The following KCNN3 variants were observed in gnomAD, a reference collection of about 807,000 sequenced individuals.
KCNN3 encodes the protein potassium calcium-activated channel subfamily N member 3, also known as small conductance calcium-activated potassium channel protein 3.
A neutral mutation model predicts 62.9 loss-of-function variants in KCNN3; 16 were observed. That is an observed-to-expected ratio of 0.25 (90% CI 0.17 to 0.39). The LOEUF is 0.39. Among genes scored for constraint, KCNN3 ranks in the 10% least tolerant of loss-of-function variants. KCNN3 has a pLI of 1.00. For missense variants in KCNN3, 599 were observed against 949.4 expected, an observed-to-expected ratio of 0.63 and a Z score of 4.85; for synonymous variants, 370 against 389.2, an observed-to-expected ratio of 0.95 and a Z score of 0.58.
intron 2 of KCNN3, among the ~76,000 whole-genome samples, chr1:154,783,544 G>C (rs1649148761): frequency 1.3e-5 from 2 of 152,312 alleles, no homozygotes; most frequent in Middle Eastern, 3.4e-3. Context: ...TAGTTTAGGA[G>C]CCCACTTATG....
chr1:154,769,946 A>C (rs965835053), intron 3 of KCNN3, among the ~76,000 whole-genome samples: 1 of 152,238 alleles, frequency 6.6e-6, no homozygotes, highest in African/African-American at 2.4e-5. Context: ...GACTCTAACA[A>C]TAAATCCTGT....
intron 3 of KCNN3, among the ~76,000 whole-genome samples, chr1:154,743,768 G>A (rs1331975293): frequency 3.3e-5 from 5 of 152,138 alleles, no homozygotes; most frequent in South Asian, 2.1e-4. Context: ...TTTGCTCAGC[G>A]GCAGGCTGAC....
chr1:154,782,270 C>G (rs1387393899), intron 2 of KCNN3, among the ~76,000 whole-genome samples: 1 of 152,230 alleles, frequency 6.6e-6, no homozygotes, highest in Non-Finnish European at 1.5e-5. Flanking sequence ...TGAAAACACA[C>G]TGCCCACAGG....
intron 7 of KCNN3, among the ~76,000 whole-genome samples, chr1:154,711,505 T>TAA (rs200946213): frequency 1.4e-4 from 19 of 133,288 alleles, no homozygotes; most frequent in Admixed American, 6.7e-4. Context: ...ATAATAAAAC[T>TAA]AAAAAAAAAA....
intron 1 of KCNN3, among the ~76,000 whole-genome samples, chr1:154,865,875 G>A (rs1212849287): frequency 6.6e-6 from 1 of 152,234 alleles, no homozygotes; most frequent in Non-Finnish European, 1.5e-5. Context: ...GGGCCTTTGA[G>A]TGGGAGCTGC....
chr1:154,716,034 T>C (rs142052720), intron 5 of KCNN3, among the ~76,000 whole-genome samples: 5 of 152,272 alleles, frequency 3.3e-5, no homozygotes, highest in African/African-American at 1.2e-4. Context: ...AGTGAAGATA[T>C]TTAGGTGTGA....
intron 1 of KCNN3, among the ~76,000 whole-genome samples, chr1:154,867,286 C>T (rs1308117788): frequency 1.3e-5 from 2 of 152,216 alleles, no homozygotes; most frequent in African/African-American, 4.8e-5. Flanking sequence ...GACGCAGAGG[C>T]TCATTACAGG....
At chr1:154,734,949 T>C (rs1023160765) in intron 3 of KCNN3, among the ~76,000 whole-genome samples, 2 of 151,782 alleles carry the variant, frequency 1.3e-5, no homozygotes, top group Non-Finnish European at 2.9e-5. Context: ...ATGAGGAAGC[T>C]TCAGTGAGAG....
rs1480758245 is a variant in KCNN3, at chr1:154,706,612, A to C, written c.*1364T>G. ...AAGATTAACATGGCACAGTAGGAAC[A>C]GGCTACTGACAAATCCATGTCCACT... On this transcript the variant is annotated 3_prime_UTR_variant, in exon 8 of 8. Transcript: ENST00000271915. The C allele has an allele frequency of 6.6e-6, 1 of 152,262 alleles. No individual in the cohort carries two copies. Among genetic ancestry groups the C allele is most frequent in the Non-Finnish European group, 1.5e-5 (1 of 68,052 alleles). The allele number at this position is 152,262 out of a possible 1,614,324, so 9.4% of individuals were successfully genotyped here.
At chr1:154,821,046 T>C (rs1287672547) in intron 2 of KCNN3, among the ~76,000 whole-genome samples, 1 of 152,146 alleles carries the variant, frequency 6.6e-6, no homozygotes, top group African/African-American at 2.4e-5. Flanking sequence ...TCCCATGCGC[T>C]CCTCATCCCA....
rs1443508406 is a variant in KCNN3 at position 154,863,187 on chromosome 1, C to G, written c.933+5845G>C. On this transcript the variant is annotated intron_variant, in intron 1 of 7. Transcript: ENST00000271915. ...CCCCAGCTGCTCCTCCCCTCCTTTC[C>G]CTCAGATCCCAGCTGAGCTCCTGGG... Among the ~76,000 whole-genome samples the G allele has an allele frequency of 2.0e-5, 3 of 152,118 alleles. No homozygotes were observed. In the East Asian group the frequency reaches 5.8e-4, roughly 29 times the overall value.
chr1:154,866,556 G>A (rs1652963515), intron 1 of KCNN3, among the ~76,000 whole-genome samples: 3 of 152,324 alleles, frequency 2.0e-5, no homozygotes, highest in Middle Eastern at 6.8e-3. Flanking sequence ...TGGCCCTGCA[G>A]TGTGTACAAG....
chr1:154,789,132 C>A (rs147928848), intron 2 of KCNN3, among the ~76,000 whole-genome samples: 2 of 152,154 alleles, frequency 1.3e-5, no homozygotes, highest in African/African-American at 2.4e-5. Context: ...CGGGGGAATC[C>A]GTTTCCTTGC....
intron 2 of KCNN3, among the ~76,000 whole-genome samples, chr1:154,797,721 G>A (rs1473892941): frequency 6.6e-6 from 1 of 152,204 alleles, no homozygotes; most frequent in Non-Finnish European, 1.5e-5. Context: ...TAAATGAATT[G>A]AATGAGAAAC....
chr1:154,820,280 G>A (rs543409516), intron 2 of KCNN3, among the ~76,000 whole-genome samples: 112 of 152,312 alleles, frequency 7.4e-4, no homozygotes, highest in African/African-American at 2.0e-3. Flanking sequence ...ATCAGAGGGA[G>A]GGACACCTGG....
Position 154,869,908 on chromosome 1 carries a change from G to A in KCNN3, c.57C>T (p.Pro19=), listed in dbSNP as rs1164271804. ...DSGVGDLDED[P]KCPCPSSGDE... Reference sequence around the variant, plus strand: ...CCCCAGAGGATGGACAGGGGCACTTGGGGTCTTCATCCAAGTCCCCCACCC... The same window carrying A: ...CCCCAGAGGATGGACAGGGGCACTTAGGGTCTTCATCCAAGTCCCCCACCC... The change falls in exon 1 of 8, where the codon CCC becomes CCT. Residue 19 remains proline (P), a synonymous_variant. Coordinates refer to ENST00000271915, the MANE Select transcript of KCNN3 (RefSeq NM_002249.6). This position sits in a 1 kb window ranked among gnomAD's most constrained non-coding sequence, Gnocchi z 6.1. 5.0e-6 allele frequency: 8 copies of A among 1,609,766 alleles called. No individual in the cohort carries two copies. The South Asian group carries it at 8.9e-5, about 18-fold the overall frequency.
intron 6 of KCNN3, 119 bp downstream of exon 6, chr1:154,714,757 C>T: frequency 7.3e-7 from 1 of 1,379,310 alleles, no homozygotes; most frequent in Non-Finnish European, 1.0e-6. Flanking sequence ...AGACCCAGTT[C>T]ACCACTCCAC....
intron 3 of KCNN3, among the ~76,000 whole-genome samples, chr1:154,738,842 A>G (rs1241418191): frequency 6.6e-6 from 1 of 152,262 alleles, no homozygotes; most frequent in Non-Finnish European, 1.5e-5. Flanking sequence ...GGAAGGGAAA[A>G]GTTATCATAT....
intron 1 of KCNN3, among the ~76,000 whole-genome samples, chr1:154,853,086 C>T (rs1336517929): frequency 1.3e-5 from 2 of 152,198 alleles, no homozygotes; most frequent in South Asian, 4.2e-4. Flanking sequence ...AATTCCTGGG[C>T]TTACGGGATC....
Sources: gnomAD v4.1 joint callset for allele counts (sites outside exome capture counted in the v4.1 genomes callset) on GRCh38, gnomAD v4.1.1 for gene constraint, Gnocchi (gnomAD v3.1) non-coding constraint, MANE v1.5 for transcripts, NCBI Gene and HGNC (gene_info 2026-07-23, HGNC 2026-07-21) for gene names.